The following FSTL4 variants were observed in gnomAD, a reference collection of about 807,000 sequenced individuals.
FSTL4 encodes follistatin like 4, also known as follistatin-related protein 4.
In FSTL4, 28 loss-of-function variants were observed where a neutral mutation model predicts 78.2. That is an observed-to-expected ratio of 0.36 (90% CI 0.27 to 0.49). FSTL4 has a LOEUF of 0.49. Ranked by LOEUF, FSTL4 falls within the 20% of genes least tolerant of loss-of-function variation. FSTL4 has a pLI of 0.98. For synonymous variants in FSTL4, 422 were observed against 440.5 expected (o/e 0.96, Z 0.53); for missense variants, 922 against 1,084.9 (o/e 0.85, Z 2.11).
intron 3 of FSTL4, among the ~76,000 whole-genome samples, chr5:133,402,615 A>C (rs12658553): frequency 0.14 from 20,775 of 151,982 alleles, 1,833 homozygotes; most frequent in African/African-American, 0.24. Context: ...AAAAAAATAT[A>C]TTTTTCTTGT....
intron 6 of FSTL4, among the ~76,000 whole-genome samples, chr5:133,254,170 A>G (rs1043773219): frequency 1.1e-4 from 17 of 152,232 alleles, no homozygotes; most frequent in African/African-American, 3.4e-4. Context: ...AGTTCCCACA[A>G]TGGGAAATCT....
intron 6 of FSTL4, among the ~76,000 whole-genome samples, chr5:133,300,987 TC>T (rs1236986250): frequency 6.6e-6 from 1 of 152,166 alleles, no homozygotes; most frequent in Non-Finnish European, 1.5e-5. Flanking sequence ...GTAATCCTGC[TC>T]CTTTCACACT....
chr5:133,630,101 C>A, the FSTL4 span, among the ~76,000 whole-genome samples: 1 of 152,242 alleles, frequency 6.6e-6, no homozygotes, highest in South Asian at 2.1e-4. Context: ...CAAGGATGCC[C>A]TCTCTCACCA....
At chr5:133,247,868 G>GC (rs1401177072) in intron 7 of FSTL4, 1 of 152,436 alleles carries the variant, frequency 6.6e-6, no homozygotes, top group Non-Finnish European at 1.5e-5. Flanking sequence ...CTCCAGAGTG[G>GC]CCCCCTCTTT....
Position 133,199,100 on chromosome 5 carries a change from C to A in FSTL4, c.2524G>T (p.Val842Leu), listed in dbSNP as rs1473777267. 6.5e-7 allele frequency: 1 copy of A among 1,534,736 alleles called. No homozygotes were observed. The highest frequency in any genetic ancestry group is 1.3e-5 in the South Asian group (1 of 79,466). Residue 842 changes from valine to leucine, a missense_variant, in exon 16 of 16, where the codon GTA becomes TTA. Coordinates refer to ENST00000265342, the MANE Select transcript of FSTL4 (RefSeq NM_015082.2). This position sits in a 1 kb window ranked among gnomAD's most constrained non-coding sequence, Gnocchi z 4.4. ...GGTTVVWVGEV is the reference protein window; with the variant it reads ...GGTTVVWVGEL ...AGGGCTCTGCTCTGGGCCCTTCATA[C>A]CTCACCCACCCACACCACTGTGGTC...
chr5:133,513,326 T>C (rs1324307768), intron 3 of FSTL4, among the ~76,000 whole-genome samples: 1 of 152,218 alleles, frequency 6.6e-6, no homozygotes, highest in African/African-American at 2.4e-5. Flanking sequence ...TTAATTGCTA[T>C]ATGAGGAGAA....
At chr5:133,413,221 A>G (rs1404353590) in intron 3 of FSTL4, among the ~76,000 whole-genome samples, 1 of 152,106 alleles carries the variant, frequency 6.6e-6, no homozygotes, top group Non-Finnish European at 1.5e-5. Context: ...GTATATTGTG[A>G]GTCTGTCTTT....
the FSTL4 span, among the ~76,000 whole-genome samples, chr5:133,764,279 C>A: frequency 6.6e-6 from 1 of 152,150 alleles, no homozygotes; most frequent in Non-Finnish European, 1.5e-5. Context: ...AGATGCCAGG[C>A]AGAGGGCTCT....
At chr5:133,498,480 A>T (rs1758418156) in intron 3 of FSTL4, among the ~76,000 whole-genome samples, 1 of 152,190 alleles carries the variant, frequency 6.6e-6, no homozygotes, top group African/African-American at 2.4e-5. Flanking sequence ...GCACTTTGGG[A>T]GGCTGAGGCA....
the FSTL4 span, among the ~76,000 whole-genome samples, chr5:133,647,399 A>G: frequency 6.6e-6 from 1 of 152,180 alleles, no homozygotes; most frequent in Non-Finnish European, 1.5e-5. Flanking sequence ...TAAAATACCC[A>G]CATTATCTAA....
intron 4 of FSTL4, among the ~76,000 whole-genome samples, chr5:133,390,690 G>A (rs1755826627): frequency 6.6e-6 from 1 of 152,244 alleles, no homozygotes; most frequent in Non-Finnish European, 1.5e-5. Context: ...GCTCTGCTGG[G>A]AAGTGTTTAC....
At chr5:133,324,012 G>A (rs1428707245) in intron 4 of FSTL4, among the ~76,000 whole-genome samples, 1 of 152,164 alleles carries the variant, frequency 6.6e-6, no homozygotes, top group Non-Finnish European at 1.5e-5. Context: ...AGGAGAACAG[G>A]CACATCCACA....
At chr5:133,344,671 G>A (rs1049777920) in intron 4 of FSTL4, among the ~76,000 whole-genome samples, 2 of 152,172 alleles carry the variant, frequency 1.3e-5, no homozygotes, top group Non-Finnish European at 2.9e-5. Context: ...TTTATTGAGG[G>A]ATAGCACATA....
intron 2 of FSTL4, among the ~76,000 whole-genome samples, chr5:133,590,535 A>G (rs1236227900): frequency 1.3e-5 from 2 of 152,104 alleles, no homozygotes; most frequent in African/African-American, 2.4e-5. Context: ...GCATCTGGTC[A>G]AGCCATGACT....
At chr5:133,556,843 T>C (rs899403972) in intron 3 of FSTL4, among the ~76,000 whole-genome samples, 5 of 152,216 alleles carry the variant, frequency 3.3e-5, no homozygotes, top group African/African-American at 9.6e-5. Context: ...TAAAAGCTTC[T>C]GACAAACATC....
intron 4 of FSTL4, among the ~76,000 whole-genome samples, chr5:133,390,662 C>A (rs981449351): frequency 4.6e-5 from 7 of 152,248 alleles, no homozygotes; most frequent in African/African-American, 1.7e-4. Flanking sequence ...TCTTGTTCCT[C>A]CTTCATCCAA....
chr5:133,740,474 C>A, the FSTL4 span, among the ~76,000 whole-genome samples: 2 of 152,178 alleles, frequency 1.3e-5, no homozygotes, highest in Non-Finnish European at 2.9e-5. Flanking sequence ...CACTCCTCAC[C>A]GCAGGCCACG....
At chr5:133,241,440 T>C (rs1751870683) in intron 7 of FSTL4, among the ~76,000 whole-genome samples, 1 of 152,186 alleles carries the variant, frequency 6.6e-6, no homozygotes, top group Non-Finnish European at 1.5e-5. Context: ...CCTGATTATC[T>C]GGGTATACAC....
the FSTL4 span, among the ~76,000 whole-genome samples, chr5:133,807,981 T>C: frequency 3.3e-5 from 5 of 152,214 alleles, no homozygotes; most frequent in Admixed American, 6.5e-5. Context: ...CTTGGATTTT[T>C]TCTGCTTCTG....
Sources: allele counts gnomAD v4.1 joint callset (sites outside exome capture counted in the v4.1 genomes callset), GRCh38; gene constraint gnomAD v4.1.1; non-coding constraint Gnocchi (gnomAD v3.1); transcripts MANE v1.5; gene names NCBI Gene and HGNC (gene_info 2026-07-23, HGNC 2026-07-21).